Variants in LRMDA observed in about 807,000 individuals in gnomAD.
LRMDA encodes leucine rich melanocyte differentiation associated.
A neutral mutation model predicts 29.8 loss-of-function variants in LRMDA; 18 were observed. The observed-to-expected ratio is 0.60, with a 90% CI of 0.42 to 0.90. The LOEUF (loss-of-function observed/expected upper bound fraction) is 0.90. LRMDA is among the 40% of genes least tolerant of loss of function. LRMDA has a pLI of 0.00. For synonymous variants in LRMDA, 125 were observed against 109.4 expected (o/e 1.14, Z -0.89); for missense variants, 273 against 273.9 (o/e 1.00, Z 0.02).
chr10:75,939,680 A>G (rs1166685874), intron 2 of LRMDA, among the ~76,000 whole-genome samples: 1 of 152,124 alleles, frequency 6.6e-6, no homozygotes, highest in African/African-American at 2.4e-5. Context: ...TCTCTCCTCC[A>G]TTACCTTTGG....
At chr10:76,228,577 G>A (rs1852004243) in intron 5 of LRMDA, among the ~76,000 whole-genome samples, 1 of 152,158 alleles carries the variant, frequency 6.6e-6, no homozygotes, top group African/African-American at 2.4e-5. Context: ...TGAAATCATA[G>A]GGGGTTGAAT....
chr10:76,518,170 CAT>C (rs1452484418), intron 6 of LRMDA, among the ~76,000 whole-genome samples: 1 of 151,814 alleles, frequency 6.6e-6, no homozygotes, highest in South Asian at 2.1e-4. Flanking sequence ...TAAGGACACA[CAT>C]GTTTGAAGAT....
chr10:76,134,234 G>A (rs1194121699), intron 5 of LRMDA, among the ~76,000 whole-genome samples: 2 of 152,242 alleles, frequency 1.3e-5, no homozygotes, highest in Non-Finnish European at 2.9e-5. Context: ...CCAGGCAGCA[G>A]CGGCTGTTGG....
chr10:76,105,989 C>T (rs1388213176), intron 5 of LRMDA, among the ~76,000 whole-genome samples: 1 of 152,144 alleles, frequency 6.6e-6, no homozygotes, highest in Non-Finnish European at 1.5e-5. Context: ...TCAGGTAATC[C>T]ACCCACCTCA....
intron 4 of LRMDA, among the ~76,000 whole-genome samples, chr10:76,052,373 G>T (rs898815643): frequency 6.6e-6 from 1 of 152,126 alleles, no homozygotes; most frequent in Non-Finnish European, 1.5e-5. Flanking sequence ...TTCGCAGACC[G>T]TGGAGGCCCA....
chr10:75,916,448 C>T (rs888330056), intron 2 of LRMDA, among the ~76,000 whole-genome samples: 1 of 152,064 alleles, frequency 6.6e-6, no homozygotes, highest in African/African-American at 2.4e-5. Flanking sequence ...TTTCCCAGCG[C>T]CTCATTCCCC....
At chr10:76,272,882 AC>A (rs1840085507) in intron 5 of LRMDA, among the ~76,000 whole-genome samples, 1 of 152,124 alleles carries the variant, frequency 6.6e-6, no homozygotes, top group African/African-American at 2.4e-5. Context: ...ATCAACTCTT[AC>A]GAGAACTCAC....
chr10:76,185,456 C>A (rs1216123267), intron 5 of LRMDA, among the ~76,000 whole-genome samples: 2 of 152,160 alleles, frequency 1.3e-5, no homozygotes, highest in Non-Finnish European at 2.9e-5. Context: ...ATTGTGAGGA[C>A]TGGACAAAGT....
chr10:75,963,593 A>G lies in LRMDA; in HGVS notation c.132-72415A>G, dbSNP rs1846805420. Among the ~76,000 whole-genome samples, 3 of 152,202 alleles carry G rather than the reference A, an allele frequency of 2.0e-5. No homozygotes were observed. The South Asian group carries it at 6.2e-4, about 32-fold the overall frequency. ...TGGGAAGATCATAGATGTGGGTGGC[A>G]GGGAGCTTGGGTTCCAACCTCCACT... is the stretch of plus-strand genomic sequence containing the variant. On this transcript the variant is annotated intron_variant, in intron 2 of 6. Coordinates refer to ENST00000611255, the MANE Select transcript of LRMDA (RefSeq NM_001305581.2).
At chr10:75,469,802 A>ATGGG in intron 2 of LRMDA, among the ~76,000 whole-genome samples, 1 of 152,318 alleles carries the variant, frequency 6.6e-6, no homozygotes, top group South Asian at 2.1e-4. Context: ...TGTGAGGCCT[A>ATGGG]TGGGTGCACA....
intron 2 of LRMDA, among the ~76,000 whole-genome samples, chr10:75,928,992 G>C (rs1846165110): frequency 6.6e-6 from 1 of 152,210 alleles, no homozygotes; most frequent in Non-Finnish European, 1.5e-5. Context: ...AACATAGGTT[G>C]TCAAACCACC....
intron 6 of LRMDA, among the ~76,000 whole-genome samples, chr10:76,545,664 T>C (rs1843412593): frequency 6.7e-6 from 1 of 148,294 alleles, no homozygotes. Flanking sequence ...TTATTATTAT[T>C]ATTATTATTG....
chr10:76,158,208 A>G (rs553857554), intron 5 of LRMDA, among the ~76,000 whole-genome samples: 1 of 152,252 alleles, frequency 6.6e-6, no homozygotes, highest in East Asian at 1.9e-4. Flanking sequence ...TTTGATCTAC[A>G]CATTGTACTT....
At chr10:75,707,850 C>T (rs1196570386) in intron 2 of LRMDA, among the ~76,000 whole-genome samples, 1 of 152,078 alleles carries the variant, frequency 6.6e-6, no homozygotes, top group Non-Finnish European at 1.5e-5. Flanking sequence ...GGGACTGGGG[C>T]TTTTTTGCCT....
At chr10:75,849,978 G>A (rs1394030140) in intron 2 of LRMDA, among the ~76,000 whole-genome samples, 2 of 152,122 alleles carry the variant, frequency 1.3e-5, no homozygotes, top group South Asian at 2.1e-4. Flanking sequence ...TTTACTTGTG[G>A]TAGCATATAA....
rs759632747 is a variant in LRMDA, at chr10:76,047,289, C to T, written c.384C>T (p.Asp128=). ...TCAGCTTGGAAAAGGATGAGGAAGA[C>T]TACAAGAGATACAGGTGAGTGTCCA... ...ELVSLEKDEE[D]YKRYRCFVLY... is the part of the protein sequence containing the mutation. Residue 128 remains aspartate, a synonymous_variant, in exon 4 of 7, where the codon GAC becomes GAT. Coordinates refer to ENST00000611255, the MANE Select transcript of LRMDA (RefSeq NM_001305581.2). 2 of 1,612,048 alleles carry T rather than the reference C, an allele frequency of 1.2e-6. No homozygotes were observed. The highest frequency in any genetic ancestry group is 1.7e-5 in the Admixed American group (1 of 59,492).
At chr10:76,521,688 T>G (rs1284718474) in intron 6 of LRMDA, among the ~76,000 whole-genome samples, 4 of 152,230 alleles carry the variant, frequency 2.6e-5, no homozygotes, top group African/African-American at 7.2e-5. Flanking sequence ...ACCAGTTTTA[T>G]GTATGAGAGT....
chr10:75,847,931 G>A (rs796241851), intron 2 of LRMDA, among the ~76,000 whole-genome samples: 10 of 152,294 alleles, frequency 6.6e-5, no homozygotes, highest in African/African-American at 2.4e-4. Context: ...CTAAGGATAT[G>A]GAGAAATTGG....
chr10:76,156,888 A>G (rs1032303878), intron 5 of LRMDA, among the ~76,000 whole-genome samples: 2 of 152,178 alleles, frequency 1.3e-5, no homozygotes, highest in Non-Finnish European at 2.9e-5. Flanking sequence ...ATCCCACTGA[A>G]TTACTTTCCC....
Sources: gnomAD v4.1 joint callset for allele counts (sites outside exome capture counted in the v4.1 genomes callset) on GRCh38, gnomAD v4.1.1 for gene constraint, MANE v1.5 for transcripts, NCBI Gene and HGNC (gene_info 2026-07-23, HGNC 2026-07-21) for gene names.